KIAA1217: variants seen among roughly 807,000 people sequenced by gnomAD.
The protein encoded by KIAA1217 is KIAA1217.
KIAA1217 carries 88 observed loss-of-function variants against 163.9 expected under a neutral mutation model. The observed-to-expected ratio is 0.54, with a 90% CI of 0.45 to 0.64. The LOEUF is 0.64. Among genes scored for constraint, KIAA1217 ranks in the 30% least tolerant of loss-of-function variants. KIAA1217 has a pLI of 0.00. For synonymous variants in KIAA1217, 903 were observed against 923.1 expected (o/e 0.98, Z 0.39); for missense variants, 2,372 against 2,475.0 (o/e 0.96, Z 0.88).
intron 1 of KIAA1217, among the ~76,000 whole-genome samples, chr10:24,005,593 A>G (rs2131474665): frequency 6.6e-6 from 1 of 152,298 alleles, no homozygotes; most frequent in South Asian, 2.1e-4. Flanking sequence ...CTGGAAACTC[A>G]CTTTCCTTTA....
chr10:24,286,427 TACAC>T lies in KIAA1217; in HGVS notation c.354+66529_354+66532del, dbSNP rs756523052. Among the ~76,000 whole-genome samples the T allele has an allele frequency of 4.0e-5, 6 of 150,622 alleles. No homozygotes were observed. In the East Asian group the frequency reaches 5.9e-4, roughly 15 times the overall value. ...GCTTAGTTTTAACAAATTATATACA[TACAC>T]ACACACACACGCATATATATATATA... is the stretch of plus-strand genomic sequence containing the variant. On this transcript the variant is annotated intron_variant, in intron 2 of 20. Transcript: ENST00000376454.
chr10:23,822,767 C>T (rs186538301), intron 1 of KIAA1217, among the ~76,000 whole-genome samples: 70 of 152,236 alleles, frequency 4.6e-4, no homozygotes, highest in African/African-American at 1.6e-3. Context: ...GAGTTTTTCC[C>T]ACAGAGTTTT....
chr10:24,124,706 A>G (rs960584870), intron 2 of KIAA1217, among the ~76,000 whole-genome samples: 3 of 152,086 alleles, frequency 2.0e-5, no homozygotes, highest in Admixed American at 6.6e-5. Context: ...TTTCTCTTTT[A>G]ATGCATTAAC....
chr10:24,494,632 A>C (rs2066546919), intron 7 of KIAA1217, 28 bp downstream of exon 7: 1 of 1,382,564 alleles, frequency 7.2e-7, no homozygotes, highest in Non-Finnish European at 1.0e-6. Context: ...CAATGAAAAA[A>C]ATAATTCAAT....
intron 2 of KIAA1217, among the ~76,000 whole-genome samples, chr10:24,337,683 G>T (rs1364872544): frequency 1.5e-5 from 2 of 132,644 alleles, no homozygotes; most frequent in East Asian, 2.3e-4. Flanking sequence ...TCATACTGTC[G>T]CCCAGGCTGG....
intron 5 of KIAA1217, among the ~76,000 whole-genome samples, chr10:24,442,956 G>A (rs2060622095): frequency 6.8e-6 from 1 of 147,998 alleles, no homozygotes; most frequent in South Asian, 2.1e-4. Context: ...TGCCATCCAG[G>A]CTGGAGTGCA....
At chr10:24,541,513 C>A (rs1459856473) in intron 17 of KIAA1217, among the ~76,000 whole-genome samples, 1 of 152,120 alleles carries the variant, frequency 6.6e-6, no homozygotes, top group African/African-American at 2.4e-5. Context: ...TTTGGCTGGG[C>A]CCGGGTGTTT....
At chr10:24,166,001 G>A (rs536729715) in intron 2 of KIAA1217, among the ~76,000 whole-genome samples, 5 of 152,200 alleles carry the variant, frequency 3.3e-5, no homozygotes, top group African/African-American at 1.2e-4. Flanking sequence ...CTTCTTCCAT[G>A]CTCCATCCTC....
At chr10:24,500,483 T>C (rs2067431361) in intron 8 of KIAA1217, among the ~76,000 whole-genome samples, 1 of 152,110 alleles carries the variant, frequency 6.6e-6, no homozygotes, top group South Asian at 2.1e-4. Flanking sequence ...AATTGCATTG[T>C]CCTTTTTAGA....
intron 3 of KIAA1217, among the ~76,000 whole-genome samples, chr10:24,411,452 G>C (rs1363516946): frequency 6.6e-6 from 1 of 152,064 alleles, no homozygotes; most frequent in Non-Finnish European, 1.5e-5. Flanking sequence ...CCCTTTTATT[G>C]TACTTACATT....
At chr10:23,818,343 T>TGTAA (rs1564448591) in intron 1 of KIAA1217, among the ~76,000 whole-genome samples, 5 of 107,774 alleles carry the variant, frequency 4.6e-5, no homozygotes, top group African/African-American at 2.2e-4. Flanking sequence ...TATATATATA[T>TGTAA]ATAAAAAAAT....
chr10:24,110,332 T>A (rs7901218), intron 2 of KIAA1217, among the ~76,000 whole-genome samples: 4,984 of 152,250 alleles, frequency 0.033, 271 homozygotes, highest in African/African-American at 0.11. Flanking sequence ...TATTCAGTGC[T>A]CGTGGGGAGC....
chr10:24,091,047 T>C (rs1483920616), intron 2 of KIAA1217, among the ~76,000 whole-genome samples: 1 of 151,938 alleles, frequency 6.6e-6, no homozygotes, highest in Non-Finnish European at 1.5e-5. Flanking sequence ...TTTTCAGATC[T>C]ATTAAGATGA....
intron 1 of KIAA1217, among the ~76,000 whole-genome samples, chr10:23,807,361 C>T (rs945764761): frequency 2.0e-5 from 3 of 152,190 alleles, no homozygotes; most frequent in Admixed American, 2.0e-4. Context: ...AGAAATAGGA[C>T]CTAGAAGCTA....
intron 2 of KIAA1217, among the ~76,000 whole-genome samples, chr10:24,308,584 CT>C (rs1192553574): frequency 6.6e-6 from 1 of 152,208 alleles, no homozygotes; most frequent in Non-Finnish European, 1.5e-5. Flanking sequence ...TGAGCTTTGT[CT>C]TTTGTTCTCT....
At chr10:24,165,282 C>G (rs1394902900) in intron 2 of KIAA1217, among the ~76,000 whole-genome samples, 1 of 152,098 alleles carries the variant, frequency 6.6e-6, no homozygotes, top group East Asian at 1.9e-4. Context: ...AAGAGTATTG[C>G]TGGGAATGGA....
intron 2 of KIAA1217, among the ~76,000 whole-genome samples, chr10:24,194,313 T>TCTCCCCTCTCCTCCCCTCCC (rs2066877181): frequency 6.3e-5 from 1 of 15,762 alleles, no homozygotes; most frequent in Non-Finnish European, 1.2e-4. Context: ...CCTCCCCTCC[T>TCTCCCCTCTCCTCCCCTCCC]CTCCCCTCTC....
At chr10:24,389,584 C>G (rs2054558551) in intron 3 of KIAA1217, among the ~76,000 whole-genome samples, 1 of 151,430 alleles carries the variant, frequency 6.6e-6, no homozygotes. Context: ...AATACAACAA[C>G]AACCACAACA....
chr10:24,387,514 C>T (rs1420625286), intron 3 of KIAA1217, among the ~76,000 whole-genome samples: 2 of 152,158 alleles, frequency 1.3e-5, no homozygotes, highest in Non-Finnish European at 2.9e-5. Context: ...TGCCCTTTCT[C>T]ACTACTCCTA....
Sources: gnomAD v4.1 joint callset for allele counts (sites outside exome capture counted in the v4.1 genomes callset) on GRCh38, gnomAD v4.1.1 for gene constraint, MANE v1.5 for transcripts, NCBI Gene and HGNC (gene_info 2026-07-23, HGNC 2026-07-21) for gene names.